SNTA1: variants seen among roughly 807,000 people sequenced by gnomAD.
The protein encoded by SNTA1 is alpha-1-syntrophin.
A neutral mutation model predicts 47.1 loss-of-function variants in SNTA1; 31 were observed. That is an observed-to-expected ratio of 0.66 (90% CI 0.49 to 0.89). SNTA1 has a LOEUF of 0.89. Among genes scored for constraint, SNTA1 ranks in the 40% least tolerant of loss-of-function variants. The pLI, the probability that SNTA1 is intolerant of heterozygous loss-of-function variation, is 0.00. For synonymous variants in SNTA1, 300 were observed against 313.6 expected (o/e 0.96, Z 0.46); for missense variants, 575 against 693.0 (o/e 0.83, Z 1.91).
intron 2 of SNTA1, among the ~76,000 whole-genome samples, chr20:33,437,867 G>A (rs1237216437): frequency 1.3e-5 from 2 of 152,248 alleles, no homozygotes; most frequent in African/African-American, 2.4e-5. Flanking sequence ...ACAACTGATG[G>A]GGAAACCGAG....
Position 33,443,354 on chromosome 20 carries a change from C to T in SNTA1, c.267G>A (p.Thr89=), listed in dbSNP as rs1408808872. Reference sequence around the variant, plus strand: ...GCCCACCGGCGTCGGCCTTGCGCACCGTCACGCGGCGCCGCTGGAGCAGTA... The same window carrying T: ...GCCCACCGGCGTCGGCCTTGCGCACTGTCACGCGGCGCCGCTGGAGCAGTA... ...EALLLQRRRV[T]VRKADAGGLG... is the part of the protein sequence containing the mutation. Residue 89 remains threonine, a synonymous_variant, in exon 1 of 8, where the codon ACG becomes ACA. Transcript: ENST00000217381. 6.8e-7 allele frequency: 1 copy of T among 1,468,866 alleles called. No homozygotes were observed. Among genetic ancestry groups the T allele is most frequent in the Admixed American group, 2.3e-5 (1 of 43,378 alleles). 91.0% of individuals were successfully genotyped at this position (1,468,866 alleles called of 1,614,324 possible).
Position 33,408,953 on chromosome 20 carries a change from C to T in SNTA1, c.1238-65G>A, listed in dbSNP as rs927675972. ...TCAGAGACTACACCCCAACCTCCAA[C>T]CCCCACCGCAGCTTACAAAGTGGGG... On this transcript the variant is annotated intron_variant, in intron 6 of 7. Coordinates refer to ENST00000217381, the MANE Select transcript of SNTA1 (RefSeq NM_003098.3). 8 of 1,427,230 alleles carry T rather than the reference C, an allele frequency of 5.6e-6. No homozygotes were observed. In the East Asian group the frequency reaches 1.1e-4, roughly 20 times the overall value. 88.4% of individuals were successfully genotyped at this position (1,427,230 alleles called of 1,614,324 possible).
chr20:33,438,714 T>G, intron 2 of SNTA1, 127 bp downstream of exon 2: 1 of 843,786 alleles, frequency 1.2e-6, no homozygotes, highest in South Asian at 1.3e-5. Context: ...ATTCTGTTTC[T>G]GTTTTCAGTC....
chr20:33,409,181 G>A (rs1270488123), intron 6 of SNTA1, among the ~76,000 whole-genome samples: 1 of 152,112 alleles, frequency 6.6e-6, no homozygotes, highest in Non-Finnish European at 1.5e-5. Flanking sequence ...GATCTACCAA[G>A]CACCGCCCTT....
Position 33,439,016 on chromosome 20 carries a change from C to T in SNTA1, c.321G>A (p.Glu107=). Residue 107 remains glutamate, a synonymous_variant, in exon 2 of 8, where the codon GAG becomes GAA. Coordinates refer to ENST00000217381, the MANE Select transcript of SNTA1 (RefSeq NM_003098.3). The stretch of plus-strand genomic sequence containing the variant: ...TGGAAATGAGAATAGGCATCTTGTT[C>T]TCCCGGCCGCCTGCACAGGTACAGA... The part of the protein sequence containing the change: ...GLGISIKGGR[E]NKMPILISKI... 1 of 1,614,156 alleles carries T rather than the reference C, an allele frequency of 6.2e-7. No homozygotes were observed. Among genetic ancestry groups the T allele is most frequent in the Non-Finnish European group, 8.5e-7 (1 of 1,180,014 alleles).
chr20:33,420,334 G>A (rs887532767), intron 2 of SNTA1, among the ~76,000 whole-genome samples: 1 of 152,062 alleles, frequency 6.6e-6, no homozygotes, highest in South Asian at 2.1e-4. Context: ...ATCTTCCCTG[G>A]AGCCATGCTG....
chr20:33,417,967 C>G, intron 2 of SNTA1, 44 bp from the exon 3 acceptor site: 4 of 1,240,896 alleles, frequency 3.2e-6, no homozygotes, highest in Non-Finnish European at 3.6e-6. Flanking sequence ...GACATGGGCT[C>G]CCAGCACATA....
At chr20:33,409,085 A>C (rs1030750530) in intron 6 of SNTA1, among the ~76,000 whole-genome samples, 197 bp from the exon 7 acceptor site, 20 of 152,030 alleles carry the variant, frequency 1.3e-4, no homozygotes, top group African/African-American at 4.6e-4. Context: ...ACCCACTTCC[A>C]GTCCCACTTC....
At chr20:33,410,059 A>G in intron 6 of SNTA1, 76 bp downstream of exon 6, 1 of 1,509,814 alleles carries the variant, frequency 6.6e-7, no homozygotes, top group Non-Finnish European at 9.2e-7. Flanking sequence ...GAAGTGCCCT[A>G]AAGAAGGAAG....
At chr20:33,422,393 C>T (rs541551336) in intron 2 of SNTA1, among the ~76,000 whole-genome samples, 10 of 148,654 alleles carry the variant, frequency 6.7e-5, no homozygotes, top group African/African-American at 2.2e-4. Context: ...GAGCTGAGAT[C>T]GTGCCATTGC....
At chr20:33,412,149 T>C in intron 5 of SNTA1, 147 bp downstream of exon 5, 3 of 848,858 alleles carry the variant, frequency 3.5e-6, no homozygotes, top group Non-Finnish European at 5.3e-6. Context: ...ATGAGGAAAC[T>C]GAGGCCCAGA....
At chr20:33,433,364 A>C (rs1301537070) in intron 2 of SNTA1, among the ~76,000 whole-genome samples, 1 of 150,282 alleles carries the variant, frequency 6.7e-6, no homozygotes, top group Non-Finnish European at 1.5e-5. Context: ...TCCTGGGTTC[A>C]AGCAATTCTC....
rs1369802875 is a variant in SNTA1, at chr20:33,408,722, A to G, written c.1404T>C (p.Phe468=). ...TCACGATCTCGCCTTCAGCACCTCC[A>G]AAATCCAGGAAAAGGAGACTGGCAC... ...DDGASLLFLD[F]GGAEGEIQLD... is the part of the protein sequence containing the mutation. The change falls in exon 7 of 8, where the codon TTT becomes TTC. Residue 468 remains phenylalanine (F), a synonymous_variant. Transcript: ENST00000217381. 4.3e-6 allele frequency: 7 copies of G among 1,613,966 alleles called. No individual in the cohort carries two copies. In the South Asian group the frequency reaches 7.7e-5, roughly 18 times the overall value.
chr20:33,421,735 T>A (rs934314040), intron 2 of SNTA1, among the ~76,000 whole-genome samples: 3 of 150,772 alleles, frequency 2.0e-5, no homozygotes, highest in Non-Finnish European at 4.4e-5. Flanking sequence ...GCAGGCAGAC[T>A]GCTTGAGCCC....
At chr20:33,414,697 G>A (rs1284672250) in intron 3 of SNTA1, among the ~76,000 whole-genome samples, 4 of 152,134 alleles carry the variant, frequency 2.6e-5, no homozygotes, top group African/African-American at 9.7e-5. Flanking sequence ...AGACTCTTTG[G>A]CTTTTGTCTT....
In SNTA1 at chr20:33,412,658, T is replaced by G. The variant is rs1489981173; in HGVS notation, c.826A>C (p.Lys276Gln). Reference protein sequence around the residue: ...AQVNTLTPRVKDELQALLAAT... With the variant: ...AQVNTLTPRVQDELQALLAAT... ...GCCAACAGTGCCTGCAGCTCATCCT[T>G]GACCCGCGGCGTCAGAGTATTGACC... The change falls in exon 4 of 8, where the codon AAG becomes CAG. Residue 276 changes from lysine to glutamine, a missense_variant. Physicochemically the swap from Lys to Gln is moderately conservative, Grantham distance 53 (BLOSUM62 1). Transcript: ENST00000217381. 2.5e-6 allele frequency: 4 copies of G among 1,613,844 alleles called. No individual in the cohort carries two copies. In the African/African-American group the frequency reaches 4.0e-5, roughly 16 times the overall value.
intron 3 of SNTA1, among the ~76,000 whole-genome samples, chr20:33,416,533 G>A (rs1024347465): frequency 2.0e-5 from 3 of 152,298 alleles, no homozygotes; most frequent in Non-Finnish European, 4.4e-5. Flanking sequence ...AGCCGGGAAC[G>A]ATGGCTCATG....
Position 33,423,218 on chromosome 20 carries a change from T to A in SNTA1, c.497-5295A>T, listed in dbSNP as rs541468149. On this transcript the variant is annotated intron_variant, in intron 2 of 7. Transcript: ENST00000217381. ...TGCTATAAATGGACAGCATACCAGC[T>A]GATGCCAGAATCAGGGCTTGCATTT... is the stretch of plus-strand genomic sequence containing the variant. Among the ~76,000 whole-genome samples, 5 of 152,294 alleles carry A rather than the reference T, an allele frequency of 3.3e-5. No individual in the cohort carries two copies. In the South Asian group the frequency reaches 1.0e-3, roughly 32 times the overall value.
At chr20:33,417,970 A>T in intron 2 of SNTA1, 47 bp from the exon 3 acceptor site, 1 of 1,228,660 alleles carries the variant, frequency 8.1e-7, no homozygotes, top group Non-Finnish European at 1.2e-6. Flanking sequence ...ATGGGCTCCC[A>T]GCACATATCA....
Sources: gnomAD v4.1 joint callset for allele counts (sites outside exome capture counted in the v4.1 genomes callset) on GRCh38, gnomAD v4.1.1 for gene constraint, MANE v1.5 for transcripts, NCBI Gene and HGNC (gene_info 2026-07-23, HGNC 2026-07-21) for gene names.